The following UBE2H variants were observed in gnomAD, a reference collection of about 807,000 sequenced individuals.
UBE2H encodes the protein ubiquitin conjugating enzyme E2 H, also known as ubiquitin-conjugating enzyme E2 H.
Under a neutral mutation model 29.0 loss-of-function variants are expected in UBE2H, and 3 were observed. The observed-to-expected ratio is 0.10, with a 90% CI of 0.05 to 0.27. The LOEUF is 0.27. Among genes scored for constraint, UBE2H ranks in the 10% least tolerant of loss-of-function variants. The pLI is 1.00. For synonymous variants in UBE2H, 69 were observed against 82.9 expected (o/e 0.83, Z 0.91); for missense variants, 68 against 228.2 (o/e 0.30, Z 4.52).
chr7:129,940,922 C>T (rs1807628712), intron 1 of UBE2H, among the ~76,000 whole-genome samples: 1 of 152,202 alleles, frequency 6.6e-6, no homozygotes, highest in Admixed American at 6.5e-5. Context: ...CTACAATGCA[C>T]TCGAATTACA....
chr7:129,913,252 CAAAA>C (rs59869623), intron 1 of UBE2H, among the ~76,000 whole-genome samples: 2 of 75,526 alleles, frequency 2.6e-5, no homozygotes, highest in Non-Finnish European at 5.5e-5. Context: ...AACTCCGTCT[CAAAA>C]AAAAAAAAAA....
chr7:129,893,118 A>G (rs1459350995), intron 1 of UBE2H, among the ~76,000 whole-genome samples: 1 of 151,376 alleles, frequency 6.6e-6, no homozygotes, highest in South Asian at 2.1e-4. Context: ...AAAATTTTAC[A>G]GAGTCAACTG....
chr7:129,905,220 G>A (rs542266013), intron 1 of UBE2H, among the ~76,000 whole-genome samples: 128 of 151,696 alleles, frequency 8.4e-4, no homozygotes, highest in Non-Finnish European at 1.3e-3. Flanking sequence ...GACTGGCAGG[G>A]GCCACTGAAG....
intron 5 of UBE2H, among the ~76,000 whole-genome samples, chr7:129,854,065 T>TTTTTTTTTTTTTATTTTTTTTA (rs1235829126): frequency 6.7e-6 from 1 of 148,876 alleles, no homozygotes; most frequent in Non-Finnish European, 1.5e-5. Context: ...TGTTAGTTTT[T>TTTTTTTTTTTTTATTTTTTTTA]TTTTTTTTTT....
intron 1 of UBE2H, chr7:129,951,370 G>A (rs556966031): frequency 1.3e-5 from 2 of 152,268 alleles, no homozygotes; most frequent in East Asian, 3.9e-4. Context: ...AGAGAAACAG[G>A]AGACAGGACT....
intron 1 of UBE2H, among the ~76,000 whole-genome samples, chr7:129,934,994 T>C (rs1205779788): frequency 6.6e-6 from 1 of 151,246 alleles, no homozygotes; most frequent in Non-Finnish European, 1.5e-5. Flanking sequence ...TATATATATG[T>C]GTGTGTATAT....
intron 1 of UBE2H, among the ~76,000 whole-genome samples, chr7:129,917,652 T>G (rs1447884953): frequency 6.6e-6 from 1 of 152,152 alleles, no homozygotes; most frequent in Non-Finnish European, 1.5e-5. Context: ...CCTGAACTAA[T>G]AAAAAGCCTT....
At chr7:129,936,476 C>A (rs1807530685) in intron 1 of UBE2H, among the ~76,000 whole-genome samples, 1 of 151,418 alleles carries the variant, frequency 6.6e-6, no homozygotes, top group South Asian at 2.1e-4. Flanking sequence ...CGCCTGTAGT[C>A]CCAGCTACTC....
chr7:129,837,612 G>C (rs535366205), intron 6 of UBE2H, among the ~76,000 whole-genome samples: 1 of 152,036 alleles, frequency 6.6e-6, no homozygotes, highest in Non-Finnish European at 1.5e-5. Flanking sequence ...TGCATTGGGA[G>C]GGGGCGGGGG....
At chr7:129,949,750 C>T (rs1807836278) in intron 1 of UBE2H, among the ~76,000 whole-genome samples, 1 of 152,144 alleles carries the variant, frequency 6.6e-6, no homozygotes, top group African/African-American at 2.4e-5. Context: ...TCTTCTCTCC[C>T]TACCCCCACA....
At chr7:129,854,063 T>G (rs1178028154) in intron 5 of UBE2H, among the ~76,000 whole-genome samples, 6 of 146,594 alleles carry the variant, frequency 4.1e-5, no homozygotes, top group African/African-American at 1.3e-4. Context: ...AGTGTTAGTT[T>G]TTTTTTTTTT....
intron 1 of UBE2H, among the ~76,000 whole-genome samples, chr7:129,930,500 G>C (rs1341961133): frequency 6.6e-6 from 1 of 151,760 alleles, no homozygotes; most frequent in Non-Finnish European, 1.5e-5. Context: ...GCTGGGCATG[G>C]TGACTTACGC....
chr7:129,858,174 T>A (rs1376210594), intron 4 of UBE2H, among the ~76,000 whole-genome samples: 1 of 152,212 alleles, frequency 6.6e-6, no homozygotes, highest in African/African-American at 2.4e-5. Flanking sequence ...TGCATTAACG[T>A]TAAATTCCTG....
At chr7:129,910,693 A>G (rs1026591344) in intron 1 of UBE2H, among the ~76,000 whole-genome samples, 4 of 151,842 alleles carry the variant, frequency 2.6e-5, no homozygotes, top group Admixed American at 2.6e-4. Flanking sequence ...ACCAGCCTGG[A>G]CAACACGGTG....
chr7:129,875,294 T>C (rs1190390152), intron 3 of UBE2H, among the ~76,000 whole-genome samples: 1 of 152,162 alleles, frequency 6.6e-6, no homozygotes, highest in Non-Finnish European at 1.5e-5. Flanking sequence ...ATAAAAAACA[T>C]TTTCCTGTGT....
intron 1 of UBE2H, among the ~76,000 whole-genome samples, chr7:129,921,963 T>C (rs190881712): frequency 1.1e-3 from 169 of 152,262 alleles, no homozygotes; most frequent in African/African-American, 3.7e-3. Context: ...GTACTGTGTT[T>C]ATGTAAGAAA....
At chr7:129,835,977 TA>T (rs1464423680) in intron 6 of UBE2H, among the ~76,000 whole-genome samples, 40 of 152,234 alleles carry the variant, frequency 2.6e-4, no homozygotes, top group African/African-American at 8.9e-4. Flanking sequence ...AATGTTTTTA[TA>T]TTTTAAAAAC....
intron 5 of UBE2H, among the ~76,000 whole-genome samples, chr7:129,841,118 C>G (rs79578726): frequency 0.064 from 9,678 of 152,230 alleles, 369 homozygotes; most frequent in Non-Finnish European, 0.091. Flanking sequence ...TAGATAAAAG[C>G]GGTAGGCAAA....
chr7:129,920,385 T>C (rs10240142), intron 1 of UBE2H, among the ~76,000 whole-genome samples: 28,771 of 152,016 alleles, frequency 0.19, 3,068 homozygotes, highest in African/African-American at 0.28. Context: ...ATTATGACAC[T>C]GTATATAACG....
Sources: allele counts gnomAD v4.1 joint callset (sites outside exome capture counted in the v4.1 genomes callset), GRCh38; gene constraint gnomAD v4.1.1; transcripts MANE v1.5; gene names NCBI Gene and HGNC (gene_info 2026-07-23, HGNC 2026-07-21).